Variants in CHIC2 observed in about 807,000 individuals in gnomAD.
CHIC2 encodes cysteine-rich hydrophobic domain-containing protein 2.
In CHIC2, 14 loss-of-function variants were observed where a neutral mutation model predicts 25.9. That is an observed-to-expected ratio of 0.54 (90% CI 0.36 to 0.85). The LOEUF (loss-of-function observed/expected upper bound fraction) is 0.85. Among genes scored for constraint, CHIC2 ranks in the 40% least tolerant of loss-of-function variants. CHIC2 has a pLI of 0.01. For synonymous variants in CHIC2, 70 were observed against 72.0 expected (o/e 0.97, Z 0.14); for missense variants, 146 against 202.0 (o/e 0.72, Z 1.68).
chr4:54,045,734 T>G (rs1414194753), intron 3 of CHIC2, among the ~76,000 whole-genome samples: 5 of 151,878 alleles, frequency 3.3e-5, no homozygotes, highest in South Asian at 2.1e-4. Context: ...CTTTGAAAAC[T>G]GGCACAAGAC....
chr4:54,050,461 T>C (rs745832051), intron 1 of CHIC2, among the ~76,000 whole-genome samples: 9 of 152,208 alleles, frequency 5.9e-5, no homozygotes, highest in Non-Finnish European at 1.0e-4. Flanking sequence ...CTGATAGACC[T>C]TGAAACCCTC....
chr4:54,037,498 G>A (rs1337961851), intron 3 of CHIC2, among the ~76,000 whole-genome samples: 2 of 152,144 alleles, frequency 1.3e-5, no homozygotes, highest in South Asian at 2.1e-4. Context: ...TTCTGGAAAT[G>A]ATGAGTATGT....
At chr4:54,072,808 C>T in the CHIC2 span, among the ~76,000 whole-genome samples, 3 of 152,182 alleles carry the variant, frequency 2.0e-5, no homozygotes, top group South Asian at 2.1e-4. Flanking sequence ...CGTGGTGGCT[C>T]ATGCCGGTAA....
chr4:54,074,051 A>G, the CHIC2 span, among the ~76,000 whole-genome samples: 1 of 152,094 alleles, frequency 6.6e-6, no homozygotes, highest in South Asian at 2.1e-4. Context: ...CCAGTTACTC[A>G]GGAGGCTGAG....
chr4:54,038,039 A>T (rs1279707511), intron 3 of CHIC2, among the ~76,000 whole-genome samples: 6 of 152,130 alleles, frequency 3.9e-5, no homozygotes, highest in Non-Finnish European at 5.9e-5. Flanking sequence ...AAATCAATGG[A>T]AGTGAAAACA....
chr4:54,044,613 C>A (rs1716717858), intron 3 of CHIC2, among the ~76,000 whole-genome samples: 1 of 151,954 alleles, frequency 6.6e-6, no homozygotes. Context: ...AACAAAGACA[C>A]AACATACCAG....
At position 54,010,140 on chromosome 4, in the gene CHIC2, G is replaced by T; in HGVS notation, c.453C>A (p.Ile151=). 1 of 1,605,248 alleles carries T rather than the reference G, an allele frequency of 6.2e-7. No homozygotes were observed. Among genetic ancestry groups the T allele is most frequent in the Non-Finnish European group, 8.5e-7 (1 of 1,172,804 alleles). ...GTGTCTTTGGTAAAAATTCTATGAGGATGACCTGTAAAAGGAGAAGAAAAA... is the reference window on the plus strand; with the variant it reads ...GTGTCTTTGGTAAAAATTCTATGAGTATGACCTGTAAAAGGAGAAGAAAAA... ...CETNNMMEYV[I]LIEFLPKTPI... The change falls in exon 6 of 6, where the codon ATC becomes ATA. Residue 151 remains isoleucine (I), a synonymous_variant. Coordinates refer to ENST00000263921, the MANE Select transcript of CHIC2 (RefSeq NM_012110.4).
chr4:54,043,116 C>A (rs921344153), intron 3 of CHIC2, among the ~76,000 whole-genome samples: 1 of 152,072 alleles, frequency 6.6e-6, no homozygotes, highest in African/African-American at 2.4e-5. Flanking sequence ...TTTGAGACCA[C>A]CCTGGGCATA....
intron 3 of CHIC2, among the ~76,000 whole-genome samples, chr4:54,014,516 T>C (rs991932336): frequency 1.3e-5 from 2 of 152,096 alleles, no homozygotes; most frequent in African/African-American, 4.8e-5. Flanking sequence ...AAATGGCCTT[T>C]CAGTAAGTTC....
intron 3 of CHIC2, among the ~76,000 whole-genome samples, chr4:54,016,984 T>G (rs1475852617): frequency 6.6e-6 from 1 of 152,108 alleles, no homozygotes; most frequent in African/African-American, 2.4e-5. Flanking sequence ...CAAAATATAT[T>G]TTCAAGATTA....
rs368360781 is a variant in CHIC2, at chr4:54,064,265, C to A, written c.36G>T (p.Glu12Asp). The change falls in exon 1 of 6, where the codon GAG becomes GAT. Residue 12 changes from glutamate (E) to aspartate (D), a missense_variant. Coordinates refer to ENST00000263921, the MANE Select transcript of CHIC2 (RefSeq NM_012110.4). The surrounding 1 kb of genome is among the most constrained non-coding windows in gnomAD (Gnocchi z 4.2). The part of the protein sequence containing the change: ...ADFDEIYEEE[E>D]DEERALEEQL... The stretch of plus-strand genomic sequence containing the variant: ...GCTCCTCCAGGGCCCGCTCCTCGTC[C>A]TCCTCTTCCTCATAGATTTCGTCGA... The A allele has an allele frequency of 6.9e-5, 112 of 1,612,382 alleles. 4 individuals are homozygous for A. The highest frequency in any genetic ancestry group is 3.6e-4 in the East Asian group (16 of 44,750).
chr4:54,068,688 G>C (rs1347005141), upstream of CHIC2, among the ~76,000 whole-genome samples: 3 of 152,152 alleles, frequency 2.0e-5, no homozygotes, highest in Non-Finnish European at 2.9e-5. Flanking sequence ...ATGTGTTGGG[G>C]GGTTTTCTCC....
At chr4:54,026,058 G>C (rs528573502) in intron 3 of CHIC2, among the ~76,000 whole-genome samples, 132 of 152,144 alleles carry the variant, frequency 8.7e-4, no homozygotes, top group African/African-American at 3.0e-3. Flanking sequence ...CTATATGGCG[G>C]CTTGGACTAC....
At chr4:54,036,935 A>C (rs746120349) in intron 3 of CHIC2, among the ~76,000 whole-genome samples, 2 of 152,232 alleles carry the variant, frequency 1.3e-5, no homozygotes, top group African/African-American at 4.8e-5. Context: ...TTATTTATAC[A>C]GACCAAAATG....
At chr4:54,033,308 G>A (rs1213441186) in intron 3 of CHIC2, among the ~76,000 whole-genome samples, 1 of 152,150 alleles carries the variant, frequency 6.6e-6, no homozygotes, top group Non-Finnish European at 1.5e-5. Context: ...GTGATGTTGA[G>A]CATCTGAAAA....
chr4:54,090,600 G>A, the CHIC2 span, among the ~76,000 whole-genome samples: 27 of 152,246 alleles, frequency 1.8e-4, no homozygotes, highest in East Asian at 9.7e-4. Context: ...CATCAACGTC[G>A]TCATAGTTTG....
chr4:54,024,620 TAAAG>T (rs1716000996), intron 3 of CHIC2, among the ~76,000 whole-genome samples: 1 of 152,274 alleles, frequency 6.6e-6, no homozygotes, highest in Non-Finnish European at 1.5e-5. Context: ...TATTTTTAAA[TAAAG>T]AGTGTTGTTT....
intron 1 of CHIC2, chr4:54,059,676 A>G (rs1000292363): frequency 1.3e-5 from 2 of 152,092 alleles, no homozygotes; most frequent in African/African-American, 4.8e-5. Context: ...TTTCAGTGTG[A>G]TAAGTATTCT....
chr4:54,085,569 A>G, the CHIC2 span, among the ~76,000 whole-genome samples: 1 of 152,242 alleles, frequency 6.6e-6, no homozygotes, highest in Non-Finnish European at 1.5e-5. Context: ...GACTCAGGGC[A>G]GACTCCAAAT....
Sources: gnomAD v4.1 joint callset for allele counts (sites outside exome capture counted in the v4.1 genomes callset) on GRCh38, gnomAD v4.1.1 for gene constraint, Gnocchi (gnomAD v3.1) non-coding constraint, MANE v1.5 for transcripts, NCBI Gene and HGNC (gene_info 2026-07-23, HGNC 2026-07-21) for gene names.